The following MEI1 variants were observed in gnomAD, a reference collection of about 807,000 sequenced individuals.
MEI1 encodes the protein meiosis inhibitor protein 1.
Under a neutral mutation model 146.2 loss-of-function variants are expected in MEI1, and 103 were observed. The observed-to-expected ratio is 0.70, with a 90% CI of 0.60 to 0.83. The LOEUF (loss-of-function observed/expected upper bound fraction) is 0.83, where lower values mean the gene tolerates loss of function less well. Ranked by LOEUF, MEI1 falls within the 40% of genes least tolerant of loss-of-function variation. The pLI, the probability that MEI1 is intolerant of heterozygous loss-of-function variation, is 0.00. For synonymous variants in MEI1, 652 were observed against 628.2 expected, an observed-to-expected ratio of 1.04 and a Z score of -0.57; for missense variants, 1,529 against 1,533.0, an observed-to-expected ratio of 1.00 and a Z score of 0.04.
chr22:41,741,179 G>A lies in MEI1; in HGVS notation c.1332-1901G>A, dbSNP rs9611650. On this transcript the variant is annotated intron_variant, in intron 11 of 30. Coordinates refer to ENST00000401548, the MANE Select transcript of MEI1 (RefSeq NM_152513.4). ...TTCAAAGTTGTCCTGGGCTGCATGC[G>A]GCCTGTGGGCTGTGGGTGGGACAAG... Among the ~76,000 whole-genome samples the A allele has an allele frequency of 1.4e-4, 22 of 152,256 alleles. No homozygotes were observed. The East Asian group carries it at 3.9e-3, about 27-fold the overall frequency.
At chr22:41,753,890 G>C in intron 16 of MEI1, 59 bp from the exon 17 acceptor site, 1 of 1,194,462 alleles carries the variant, frequency 8.4e-7, no homozygotes, top group Non-Finnish European at 1.3e-6. Context: ...CAGGGATAAT[G>C]CTCTCCCAGC....
At chr22:41,748,797 A>G (rs1288707960) in intron 15 of MEI1, among the ~76,000 whole-genome samples, 2 of 151,890 alleles carry the variant, frequency 1.3e-5, no homozygotes, top group African/African-American at 2.4e-5. Context: ...ATCTGACTGT[A>G]GAACATGCTT....
intron 3 of MEI1, among the ~76,000 whole-genome samples, chr22:41,706,735 T>C (rs1569143162): frequency 6.6e-6 from 1 of 150,972 alleles, no homozygotes; most frequent in Non-Finnish European, 1.5e-5. Flanking sequence ...AAAACAAAAA[T>C]TGTCGAAGCG....
At chr22:41,727,095 A>T (rs739132) in intron 7 of MEI1, among the ~76,000 whole-genome samples, 126,721 of 151,976 alleles carry the variant, frequency 0.83, 53,783 homozygotes, top group African/African-American at 0.95. Flanking sequence ...TTTCCTGATA[A>T]GTCTGACAAG....
At chr22:41,704,506 T>G (rs765700979) in intron 2 of MEI1, among the ~76,000 whole-genome samples, 2 of 151,096 alleles carry the variant, frequency 1.3e-5, no homozygotes, top group Non-Finnish European at 1.5e-5. Context: ...CTCCACCTCC[T>G]GAGTTCAAGC....
intron 11 of MEI1, among the ~76,000 whole-genome samples, chr22:41,733,453 GA>G (rs951844040): frequency 2.1e-5 from 3 of 143,688 alleles, no homozygotes; most frequent in Admixed American, 6.9e-5. Flanking sequence ...TGTCTCAAAA[GA>G]AAAAAGAAAA....
At chr22:41,731,262 C>G (rs965483157) in intron 9 of MEI1, among the ~76,000 whole-genome samples, 1 of 152,164 alleles carries the variant, frequency 6.6e-6, no homozygotes, top group Non-Finnish European at 1.5e-5. Context: ...ACCATGTTGT[C>G]CAAGCTGGTC....
intron 12 of MEI1, 41 bp from the exon 13 acceptor site, chr22:41,744,932 A>G (rs370166925): frequency 2.3e-6 from 3 of 1,314,824 alleles, no homozygotes; most frequent in Non-Finnish European, 2.1e-6. Context: ...GACACAGCAT[A>G]TACTTGATCA....
chr22:41,778,213 C>A (rs185880785), intron 21 of MEI1, among the ~76,000 whole-genome samples: 222 of 152,306 alleles, frequency 1.5e-3, no homozygotes, highest in African/African-American at 5.1e-3. Flanking sequence ...CTCGCAGTTT[C>A]TTTCAAAAGG....
chr22:41,792,329 C>T (rs1458241880), intron 26 of MEI1, among the ~76,000 whole-genome samples: 1 of 152,110 alleles, frequency 6.6e-6, no homozygotes, highest in Admixed American at 6.5e-5. Flanking sequence ...TGGCCCAGTG[C>T]AGTGCAGTGG....
intron 20 of MEI1, among the ~76,000 whole-genome samples, chr22:41,771,867 G>C (rs916901883): frequency 6.6e-6 from 1 of 152,114 alleles, no homozygotes; most frequent in African/African-American, 2.4e-5. Context: ...TGAAATATTC[G>C]GGGTCAGTTC....
Position 41,745,990 on chromosome 22 carries a change from C to G in MEI1, c.1644C>G (p.Leu548=). The change falls in exon 14 of 31, where the codon CTC becomes CTG. Residue 548 remains leucine (L), a synonymous_variant. Transcript: ENST00000401548. ...TGGAGGCCTTCTCAGAATTTCTTCT[C>G]AGTGCCTGTGACTCGCTGTGTATCC... ...DTLEAFSEFL[L]SACDSLCIPM... 1 of 1,611,430 alleles carries G rather than the reference C, an allele frequency of 6.2e-7. No individual in the cohort carries two copies. The highest frequency in any genetic ancestry group is 8.5e-7 in the Non-Finnish European group (1 of 1,178,698).
chr22:41,771,138 T>C (rs2075159550), intron 20 of MEI1, among the ~76,000 whole-genome samples, 177 bp downstream of exon 20: 1 of 152,224 alleles, frequency 6.6e-6, no homozygotes, highest in Non-Finnish European at 1.5e-5. Flanking sequence ...GCCTAGTTTC[T>C]GTAAATCCAT....
At chr22:41,721,390 G>T (rs191386899) in intron 6 of MEI1, among the ~76,000 whole-genome samples, 1 of 150,824 alleles carries the variant, frequency 6.6e-6, no homozygotes, top group Admixed American at 6.6e-5. Flanking sequence ...GACTACAGGC[G>T]CATGCCACCA....
chr22:41,699,510 T>C lies in MEI1; in HGVS notation c.-29T>C. On this transcript the variant is annotated 5_prime_UTR_variant, in exon 1 of 31. Coordinates refer to ENST00000401548, the MANE Select transcript of MEI1 (RefSeq NM_152513.4). Reference sequence around the variant, plus strand: ...TGCGTGCAGTCTGCGCGGGAAAGAGTGCCGCCTCAGCTGAGGGCAAGCGAG... The same window carrying C: ...TGCGTGCAGTCTGCGCGGGAAAGAGCGCCGCCTCAGCTGAGGGCAAGCGAG... The C allele has an allele frequency of 1.3e-6, 2 of 1,591,374 alleles. No homozygotes were observed. Among genetic ancestry groups the C allele is most frequent in the Non-Finnish European group, 1.7e-6 (2 of 1,169,014 alleles).
chr22:41,743,217 C>T, intron 12 of MEI1, 23 bp downstream of exon 12: 4 of 1,526,142 alleles, frequency 2.6e-6, no homozygotes, highest in Non-Finnish European at 9.1e-7. Context: ...CAGCCTGCTG[C>T]TTCCGAAGAT....
chr22:41,709,155 T>C, intron 3 of MEI1: 1 of 727,078 alleles, frequency 1.4e-6, no homozygotes, highest in Non-Finnish European at 2.5e-6. Context: ...TAAAACTTGA[T>C]AAAAAATAGT....
chr22:41,788,182 A>T (rs1406548054), intron 26 of MEI1, among the ~76,000 whole-genome samples: 2 of 151,794 alleles, frequency 1.3e-5, no homozygotes, highest in East Asian at 3.9e-4. Context: ...GGTACGCACC[A>T]CAATGCCTGG....
In MEI1 at chr22:41,799,182, G is replaced by C. The variant is rs374436093; in HGVS notation, c.3780-72G>C. ...TGCCTGACCATTCTTGACTGTTTTG[G>C]GCTCTGGAAGTGTGATGCCCCCATG... is the stretch of plus-strand genomic sequence containing the variant. On this transcript the variant is annotated intron_variant, in intron 30 of 30. Coordinates refer to ENST00000401548, the MANE Select transcript of MEI1 (RefSeq NM_152513.4). 1.2e-4 allele frequency: 179 copies of C among 1,435,644 alleles called. No homozygotes were observed. In the African/African-American group the frequency reaches 2.4e-3, roughly 19 times the overall value. 88.9% of individuals were successfully genotyped at this position (1,435,644 alleles called of 1,614,324 possible).
Sources: allele counts gnomAD v4.1 joint callset (sites outside exome capture counted in the v4.1 genomes callset), GRCh38; gene constraint gnomAD v4.1.1; transcripts MANE v1.5; gene names NCBI Gene and HGNC (gene_info 2026-07-23, HGNC 2026-07-21).